KIAA0586: variants seen among roughly 807,000 people sequenced by gnomAD.
The protein encoded by KIAA0586 is KIAA0586, also known as protein TALPID3.
KIAA0586 carries 144 observed loss-of-function variants against 169.8 expected under a neutral mutation model. The observed-to-expected ratio is 0.85, with a 90% CI of 0.74 to 0.97. The LOEUF (loss-of-function observed/expected upper bound fraction) is 0.97. KIAA0586 is among the 50% of genes least tolerant of loss of function. KIAA0586 has a pLI of 0.00. For missense variants in KIAA0586, 1,854 were observed against 1,823.0 expected (o/e 1.02, Z -0.31); for synonymous variants, 625 against 612.4 (o/e 1.02, Z -0.30).
chr14:58,472,062 A>G (rs1423379654), intron 17 of KIAA0586, 137 bp from the exon 18 acceptor site: 6 of 412,096 alleles, frequency 1.5e-5, no homozygotes, highest in Non-Finnish European at 2.6e-5. Flanking sequence ...AATTAAATCA[A>G]TTCTGAATAG....
rs1260148388 is a variant in KIAA0586 at position 58,498,865 on chromosome 14, A to G, written c.4073A>G (p.His1358Arg). The G allele has an allele frequency of 2.5e-6, 4 of 1,612,608 alleles. No individual in the cohort carries two copies. Among genetic ancestry groups the G allele is most frequent in the East Asian group, 2.2e-5 (1 of 44,808 alleles). ...TAAAENILMG[H>R]SLYMQPPVTN... ...GCAGCAGAGAACATCTTAATGGGACATTCTCTCTATATGCAGCCACCTGTC... is the reference window on the plus strand; with the variant it reads ...GCAGCAGAGAACATCTTAATGGGACGTTCTCTCTATATGCAGCCACCTGTC... Residue 1358 changes from histidine to arginine, a missense_variant, in exon 27 of 31, where the codon CAT becomes CGT. His to Arg is a conservative substitution (Grantham distance 29). Transcript: ENST00000652326.
At chr14:58,478,835 C>CA (rs1261451911) in intron 20 of KIAA0586, among the ~76,000 whole-genome samples, 1 of 152,184 alleles carries the variant, frequency 6.6e-6, no homozygotes, top group Non-Finnish European at 1.5e-5. Context: ...TGTAATCATG[C>CA]AATATGTAGC....
chr14:58,494,132 CCT>C (rs1299879945), intron 26 of KIAA0586, among the ~76,000 whole-genome samples: 1 of 151,362 alleles, frequency 6.6e-6, no homozygotes, highest in African/African-American at 2.4e-5. Context: ...ATTTTTCCCC[CCT>C]CTCTCTAGAA....
chr14:58,559,986 A>G, the KIAA0586 span, among the ~76,000 whole-genome samples: 1 of 152,120 alleles, frequency 6.6e-6, no homozygotes, highest in South Asian at 2.1e-4. Context: ...CCCCGTCTCT[A>G]CTAAAAATAC....
chr14:58,497,039 A>G (rs1157421897), intron 26 of KIAA0586, among the ~76,000 whole-genome samples: 1 of 146,132 alleles, frequency 6.8e-6, no homozygotes, highest in Non-Finnish European at 1.5e-5. Context: ...CAGTGGCGGG[A>G]TCTCGGCTCA....
intron 30 of KIAA0586, among the ~76,000 whole-genome samples, chr14:58,542,302 C>T (rs921824336): frequency 2.6e-5 from 4 of 152,042 alleles, no homozygotes; most frequent in Non-Finnish European, 4.4e-5. Context: ...CATGGTGAAA[C>T]CCCGTCTCTA....
At chr14:58,524,339 AACCACT>A (rs1416387583) in intron 29 of KIAA0586, among the ~76,000 whole-genome samples, 1 of 152,238 alleles carries the variant, frequency 6.6e-6, no homozygotes, top group African/African-American at 2.4e-5. Context: ...ATATAGGATG[AACCACT>A]ACTAGATTGT....
chr14:58,552,813 A>G (rs2047222918), downstream of KIAA0586, among the ~76,000 whole-genome samples: 2 of 152,196 alleles, frequency 1.3e-5, no homozygotes, highest in South Asian at 2.1e-4. Context: ...CACTGGCCCC[A>G]TAATTAATAT....
upstream of KIAA0586, chr14:58,427,525 C>CTA (rs1329154142): frequency 2.7e-5 from 40 of 1,475,502 alleles, no homozygotes; most frequent in Non-Finnish European, 2.8e-5. Context: ...CGGCAATGTG[C>CTA]TACCTTAAAA....
intron 27 of KIAA0586, among the ~76,000 whole-genome samples, chr14:58,502,296 G>A (rs1226401759): frequency 6.6e-6 from 1 of 151,952 alleles, no homozygotes; most frequent in Non-Finnish European, 1.5e-5. Context: ...CCGCCACCTC[G>A]CCTGGCTGAT....
chr14:58,551,837 C>T (rs182040475), downstream of KIAA0586, among the ~76,000 whole-genome samples: 86 of 152,066 alleles, frequency 5.7e-4, 1 homozygote, highest in African/African-American at 2.0e-3. Context: ...TGTGGTATTT[C>T]CTTATATGTG....
chr14:58,538,122 C>G (rs2046415742), intron 29 of KIAA0586, among the ~76,000 whole-genome samples: 1 of 152,112 alleles, frequency 6.6e-6, no homozygotes, highest in South Asian at 2.1e-4. Flanking sequence ...TACCACTGCA[C>G]TCCAGCCTGG....
At chr14:58,430,816 C>G (rs1595061600) in intron 3 of KIAA0586, 99 bp downstream of exon 3, 1 of 653,752 alleles carries the variant, frequency 1.5e-6, no homozygotes, top group Middle Eastern at 4.2e-4. Flanking sequence ...TAAGTACATT[C>G]ACATTGTTGT....
chr14:58,454,518 T>A (rs1302881609), intron 9 of KIAA0586, among the ~76,000 whole-genome samples: 1 of 152,234 alleles, frequency 6.6e-6, no homozygotes, highest in Non-Finnish European at 1.5e-5. Flanking sequence ...TTTCTTCATA[T>A]GGATTCAAGT....
chr14:58,428,499 G>A, intron 1 of KIAA0586, 36 bp downstream of exon 1: 1 of 1,473,190 alleles, frequency 6.8e-7, no homozygotes, highest in Non-Finnish European at 9.5e-7. Flanking sequence ...ACCAGTTTTA[G>A]TTTAGTAAAT....
Position 58,461,008 on chromosome 14 carries a change from T to C in KIAA0586, c.1907T>C (p.Val636Ala). ...RKEGLLKATT[V>A]IQDEDYMLQV... is the part of the protein sequence containing the mutation. Reference sequence around the variant, plus strand: ...CAGGGGCTTTTGAAAGCAACCACAGTAATACAAGATGAAGATTATATGTTA... The same window carrying C: ...CAGGGGCTTTTGAAAGCAACCACAGCAATACAAGATGAAGATTATATGTTA... The change falls in exon 14 of 31, where the codon GTA becomes GCA. Residue 636 changes from valine (V) to alanine (A), a missense_variant. Transcript: ENST00000652326. The C allele has an allele frequency of 6.2e-7, 1 of 1,606,248 alleles. No individual in the cohort carries two copies. The highest frequency in any genetic ancestry group is 8.5e-7 in the Non-Finnish European group (1 of 1,177,250).
the KIAA0586 span, among the ~76,000 whole-genome samples, chr14:58,560,579 G>A: frequency 1.3e-5 from 2 of 152,138 alleles, no homozygotes; most frequent in Non-Finnish European, 2.9e-5. Context: ...CTTGAAATTT[G>A]TTTCTCGTTG....
intron 8 of KIAA0586, among the ~76,000 whole-genome samples, chr14:58,451,418 G>A (rs916148371): frequency 2.6e-5 from 4 of 151,570 alleles, no homozygotes; most frequent in African/African-American, 9.7e-5. Context: ...ATAGAGATGG[G>A]GTTTCACTAT....
chr14:58,537,119 G>A (rs2046336352), intron 29 of KIAA0586: 3 of 1,197,820 alleles, frequency 2.5e-6, no homozygotes, highest in Non-Finnish European at 3.2e-6. Context: ...CAACTGCAGA[G>A]CACAATACTC....
Sources: allele counts gnomAD v4.1 joint callset (sites outside exome capture counted in the v4.1 genomes callset), GRCh38; gene constraint gnomAD v4.1.1; transcripts MANE v1.5; gene names NCBI Gene and HGNC (gene_info 2026-07-23, HGNC 2026-07-21).